Variants in RBFOX1 observed in about 807,000 individuals in gnomAD.
RBFOX1 encodes the protein RNA binding fox-1 homolog 1, also known as RNA binding protein fox-1 homolog 1.
In RBFOX1, 8 loss-of-function variants were observed where a neutral mutation model predicts 57.7. The ratio of observed to expected loss-of-function variants is 0.14; its 90% CI spans 0.08 to 0.25. The LOEUF is 0.25. Among genes scored for constraint, RBFOX1 ranks in the 10% least tolerant of loss-of-function variants. The probability of loss-of-function intolerance (pLI) is 1.00; values close to 1 mark genes in which losing one functional copy is unlikely to be tolerated. For missense variants in RBFOX1, 611 were observed against 548.5 expected (o/e 1.11, Z -1.14); for synonymous variants, 326 against 222.4 (o/e 1.47, Z -4.15).
At chr16:6,508,669 A>T (rs1051500943) in intron 2 of RBFOX1, among the ~76,000 whole-genome samples, 1 of 152,108 alleles carries the variant, frequency 6.6e-6, no homozygotes, top group African/African-American at 2.4e-5. Context: ...ACCGTAAAAC[A>T]TGGCAAGGTC....
chr16:7,177,380 C>G (rs1420973279), intron 4 of RBFOX1, among the ~76,000 whole-genome samples: 9 of 151,950 alleles, frequency 5.9e-5, no homozygotes, highest in African/African-American at 2.2e-4. Context: ...ATGATAAATG[C>G]TGGAGGTGAT....
chr16:5,381,510 G>T (rs971297974), intron 1 of RBFOX1, among the ~76,000 whole-genome samples: 1 of 152,178 alleles, frequency 6.6e-6, no homozygotes, highest in Non-Finnish European at 1.5e-5. Context: ...TGGTGAAGCT[G>T]AGGCTGCAGG....
intron 1 of RBFOX1, among the ~76,000 whole-genome samples, chr16:5,420,306 T>C (rs556755558): frequency 6.6e-6 from 1 of 152,224 alleles, no homozygotes; most frequent in Non-Finnish European, 1.5e-5. Context: ...TGGAAACTAT[T>C]CAATATGCAT....
intron 3 of RBFOX1, among the ~76,000 whole-genome samples, chr16:6,846,378 G>C (rs950830821): frequency 1.3e-5 from 2 of 152,190 alleles, no homozygotes; most frequent in African/African-American, 4.8e-5. Flanking sequence ...ACAGCAAGCT[G>C]TATTGCTGAA....
chr16:6,438,712 A>G (rs1486325657), intron 2 of RBFOX1, among the ~76,000 whole-genome samples: 4 of 152,172 alleles, frequency 2.6e-5, no homozygotes, highest in Non-Finnish European at 4.4e-5. Context: ...CGGGCTTTCC[A>G]TAGACATTTC....
At chr16:5,269,136 C>T (rs909456144) in intron 1 of RBFOX1, among the ~76,000 whole-genome samples, 1 of 152,344 alleles carries the variant, frequency 6.6e-6, no homozygotes, top group South Asian at 2.1e-4. Context: ...AGGCTGGTCT[C>T]AAACTCCTGG....
intron 3 of RBFOX1, among the ~76,000 whole-genome samples, chr16:6,844,752 G>A (rs1567524982): frequency 6.6e-6 from 1 of 152,124 alleles, no homozygotes; most frequent in Admixed American, 6.5e-5. Context: ...GGTCTTTGAG[G>A]AATTGTTAGA....
intron 2 of RBFOX1, among the ~76,000 whole-genome samples, chr16:5,583,613 T>A (rs1053677908): frequency 2.6e-5 from 4 of 152,214 alleles, no homozygotes; most frequent in Non-Finnish European, 5.9e-5. Flanking sequence ...TTAAACTCCA[T>A]CAAGTTGAAC....
chr16:5,569,830 A>T (rs1035197657), intron 2 of RBFOX1, among the ~76,000 whole-genome samples: 3 of 152,076 alleles, frequency 2.0e-5, no homozygotes, highest in African/African-American at 7.2e-5. Context: ...CTTTCTTGAC[A>T]TGGTCTTCCT....
At chr16:6,290,438 C>T (rs528569480) in intron 1 of RBFOX1, among the ~76,000 whole-genome samples, 1 of 151,920 alleles carries the variant, frequency 6.6e-6, no homozygotes, top group Admixed American at 6.6e-5. Flanking sequence ...TTAGAAACTA[C>T]CTTTTTTATG....
intron 2 of RBFOX1, among the ~76,000 whole-genome samples, chr16:6,519,415 CTG>C (rs1214608556): frequency 6.6e-6 from 1 of 152,180 alleles, no homozygotes; most frequent in Admixed American, 6.5e-5. Context: ...CTGATGGAAA[CTG>C]TGGCTGGGCG....
intron 1 of RBFOX1, among the ~76,000 whole-genome samples, chr16:6,181,209 G>C (rs1218584642): frequency 6.6e-6 from 1 of 152,126 alleles, no homozygotes; most frequent in Non-Finnish European, 1.5e-5. Flanking sequence ...TGCTGGATAT[G>C]GTCACGGCCT....
intron 4 of RBFOX1, among the ~76,000 whole-genome samples, chr16:7,348,022 G>A (rs1333819904): frequency 6.6e-6 from 1 of 152,146 alleles, no homozygotes; most frequent in Admixed American, 6.5e-5. Context: ...CAATTGATTT[G>A]GTTTTCGATT....
At chr16:6,930,727 A>G (rs2076365581) in intron 3 of RBFOX1, among the ~76,000 whole-genome samples, 1 of 152,102 alleles carries the variant, frequency 6.6e-6, no homozygotes, top group African/African-American at 2.4e-5. Flanking sequence ...CCGTTTTTAA[A>G]ATGGGTTTAA....
chr16:6,901,932 T>A (rs534213090), intron 3 of RBFOX1, among the ~76,000 whole-genome samples: 1 of 152,220 alleles, frequency 6.6e-6, no homozygotes, highest in South Asian at 2.1e-4. Context: ...GCAGGGATTT[T>A]TTTTCATGTC....
intron 2 of RBFOX1, among the ~76,000 whole-genome samples, chr16:5,576,886 T>C (rs1350250516): frequency 6.6e-6 from 1 of 152,256 alleles, no homozygotes; most frequent in Non-Finnish European, 1.5e-5. Flanking sequence ...ATTGATTGGA[T>C]GCTGAGGAGT....
chr16:7,039,539 T>C (rs74820043), intron 3 of RBFOX1, among the ~76,000 whole-genome samples: 14,663 of 152,206 alleles, frequency 0.096, 1,170 homozygotes, highest in East Asian at 0.32. Context: ...ATTGATTATT[T>C]CTCACCTCCT....
chr16:7,304,111 G>C (rs1412101963), intron 4 of RBFOX1: 5 of 724,406 alleles, frequency 6.9e-6, no homozygotes, highest in African/African-American at 1.9e-5. Context: ...AGGAACGCCG[G>C]GATCTAGCAC....
At chr16:7,670,255 C>A (rs1312273656) in intron 13 of RBFOX1, among the ~76,000 whole-genome samples, 1 of 152,230 alleles carries the variant, frequency 6.6e-6, no homozygotes, top group Non-Finnish European at 1.5e-5. Flanking sequence ...TGGTCTCGAA[C>A]TTCCGACCTC....
Sources: allele counts gnomAD v4.1 joint callset (sites outside exome capture counted in the v4.1 genomes callset), GRCh38; gene constraint gnomAD v4.1.1; transcripts MANE v1.5; gene names NCBI Gene and HGNC (gene_info 2026-07-23, HGNC 2026-07-21).